The following USP37 variants were observed in gnomAD, a reference collection of about 807,000 sequenced individuals.
USP37 encodes ubiquitin carboxyl-terminal hydrolase 37.
In USP37, 27 loss-of-function variants were observed where a neutral mutation model predicts 124.0. The observed-to-expected ratio is 0.22, with a 90% CI of 0.16 to 0.30. USP37 has a LOEUF of 0.30. Ranked by LOEUF, USP37 falls within the 10% of genes least tolerant of loss-of-function variation. The pLI, the probability that USP37 is intolerant of heterozygous loss-of-function variation, is 1.00. For missense variants in USP37, 889 were observed against 1,140.4 expected (o/e 0.78, Z 3.17); for synonymous variants, 365 against 388.0 (o/e 0.94, Z 0.70).
chr2:218,475,411 C>T (rs966068475), intron 19 of USP37, among the ~76,000 whole-genome samples: 3 of 151,892 alleles, frequency 2.0e-5, no homozygotes, highest in Non-Finnish European at 4.4e-5. Context: ...CCAGCCTGGC[C>T]AACATGGCGA....
intron 8 of USP37, among the ~76,000 whole-genome samples, chr2:218,536,459 G>A (rs942449317): frequency 2.0e-5 from 3 of 152,288 alleles, no homozygotes; most frequent in Middle Eastern, 3.4e-3. Context: ...TACTTTGCCT[G>A]TAATCTCAGA....
intron 8 of USP37, 63 bp downstream of exon 8, chr2:218,546,158 G>T: frequency 7.6e-7 from 1 of 1,314,004 alleles, no homozygotes. Context: ...CTTCCCCAGT[G>T]GTTACAAATA....
chr2:218,562,920 T>C (rs1180882621), intron 1 of USP37, 107 bp from the exon 2 acceptor site: 1 of 383,812 alleles, frequency 2.6e-6, no homozygotes, highest in Non-Finnish European at 4.6e-6. Context: ...TCCCAGCACT[T>C]TGAGAGGTGG....
At position 218,455,015 on chromosome 2, in the gene USP37, T is replaced by C; in HGVS notation, c.2855A>G (p.Glu952Gly). ...SGYIFFYMHK[E>G]IFDELLETEK... ...TGTTTCCAGCAGCTCATCAAAGATC[T>C]CCCTTAAGATAAAACAAGCAAAAAA... Residue 952 changes from glutamate (E) to glycine (G), a missense_variant and splice_region_variant, in exon 26 of 26, where the codon GAG (glutamate) becomes GGG (glycine). Glu to Gly is a moderately conservative substitution (Grantham distance 98). Transcript: ENST00000258399. The C allele has an allele frequency of 6.2e-7, 1 of 1,613,094 alleles. No individual in the cohort carries two copies.
At chr2:218,517,983 T>C (rs898884016) in intron 10 of USP37, among the ~76,000 whole-genome samples, 3 of 151,974 alleles carry the variant, frequency 2.0e-5, no homozygotes, top group Non-Finnish European at 4.4e-5. Flanking sequence ...TGAGATAAGG[T>C]CTCATTCTGT....
chr2:218,485,791 A>G (rs766228082), intron 15 of USP37, 48 bp from the exon 16 acceptor site: 1 of 1,559,714 alleles, frequency 6.4e-7, no homozygotes, highest in South Asian at 1.2e-5. Context: ...CAGCATTAGT[A>G]TCTTAAATGC....
At chr2:218,488,203 GA>G in intron 15 of USP37, 100 bp downstream of exon 15, 1 of 462,448 alleles carries the variant, frequency 2.2e-6, no homozygotes, top group Non-Finnish European at 3.6e-6. Flanking sequence ...AAAAAGAAAA[GA>G]AAAGAAACTT....
At chr2:218,498,810 G>T (rs1257520109) in intron 11 of USP37, among the ~76,000 whole-genome samples, 2 of 152,080 alleles carry the variant, frequency 1.3e-5, no homozygotes, top group Non-Finnish European at 2.9e-5. Context: ...TGCTAAACAT[G>T]ACTGGGGGCT....
At chr2:218,517,747 ATT>A (rs1278759225) in intron 10 of USP37, among the ~76,000 whole-genome samples, 1 of 152,106 alleles carries the variant, frequency 6.6e-6, no homozygotes, top group Non-Finnish European at 1.5e-5. Context: ...CTAAAGTCTG[ATT>A]TTATCACTTT....
intron 6 of USP37, among the ~76,000 whole-genome samples, chr2:218,549,460 CTATCT>C (rs1692541576): frequency 7.3e-6 from 1 of 136,436 alleles, no homozygotes; most frequent in Non-Finnish European, 1.5e-5. Flanking sequence ...TAGTCTATGA[CTATCT>C]TTTTTTTTTT....
chr2:218,489,750 T>A (rs77329854), intron 14 of USP37, among the ~76,000 whole-genome samples: 6,087 of 152,158 alleles, frequency 0.04, 394 homozygotes, highest in African/African-American at 0.14. Context: ...AATGCTGGGA[T>A]TACAGGCACC....
chr2:218,535,146 G>A (rs750504217), intron 8 of USP37, among the ~76,000 whole-genome samples: 10 of 149,998 alleles, frequency 6.7e-5, no homozygotes, highest in Admixed American at 1.3e-4. Flanking sequence ...CGGGCAGATC[G>A]CGAGGTCAGG....
chr2:218,462,767 A>G (rs1024552176), intron 22 of USP37, among the ~76,000 whole-genome samples: 5 of 152,186 alleles, frequency 3.3e-5, no homozygotes, highest in African/African-American at 1.2e-4. Context: ...GAAAAAAGCA[A>G]GCTGAAGATG....
intron 19 of USP37, among the ~76,000 whole-genome samples, chr2:218,476,524 G>A (rs770674369): frequency 6.6e-6 from 1 of 151,972 alleles, no homozygotes; most frequent in African/African-American, 2.4e-5. Context: ...GTGGTGAGCC[G>A]TGATTACACC....
At chr2:218,467,315 ATATCTATCTATCTATCTATC>A (rs55656029) in intron 20 of USP37, among the ~76,000 whole-genome samples, 8 of 141,732 alleles carry the variant, frequency 5.6e-5, no homozygotes, top group Admixed American at 1.4e-4. Flanking sequence ...CAGCTAATCT[ATATCTATCTATCTATCTATC>A]TATCTATCTA....
At chr2:218,537,780 C>A (rs1284149842) in intron 8 of USP37, among the ~76,000 whole-genome samples, 1 of 152,144 alleles carries the variant, frequency 6.6e-6, no homozygotes, top group Non-Finnish European at 1.5e-5. Context: ...TGTGTAGAGT[C>A]ACCCACAGGA....
chr2:218,565,964 G>A lies in USP37; in HGVS notation c.-230+2214C>T, dbSNP rs549943692. 7.2e-5 allele frequency among the ~76,000 whole-genome samples: 11 copies of A among 152,280 alleles called. No individual in the cohort carries two copies. The South Asian group carries it at 1.9e-3, about 26-fold the overall frequency. ...CTTGGGAGGCTGAGACAAGAGAATC[G>A]CTTGAATTTAGGGGGCGGAGGTTGC... On this transcript the variant is annotated intron_variant, in intron 1 of 25. Coordinates refer to ENST00000258399, the MANE Select transcript of USP37 (RefSeq NM_020935.3).
At chr2:218,456,974 AAAAAAAGAAAAAG>A (rs2106403575) in intron 24 of USP37, 105 bp downstream of exon 24, 2 of 1,118,498 alleles carry the variant, frequency 1.8e-6, no homozygotes, top group South Asian at 3.1e-5. Context: ...GATCTCAAAA[AAAAAAAGAAAAAG>A]AAAAAGAAAA....
chr2:218,537,089 AC>A (rs1440877845), intron 8 of USP37, among the ~76,000 whole-genome samples: 3 of 152,348 alleles, frequency 2.0e-5, no homozygotes, highest in Non-Finnish European at 2.9e-5. Context: ...TGACTTATAT[AC>A]CCTTAAAATG....
Sources: gnomAD v4.1 joint callset for allele counts (sites outside exome capture counted in the v4.1 genomes callset) on GRCh38, gnomAD v4.1.1 for gene constraint, MANE v1.5 for transcripts, NCBI Gene and HGNC (gene_info 2026-07-23, HGNC 2026-07-21) for gene names.